The following PIK3C2G variants were observed in gnomAD, a reference collection of about 807,000 sequenced individuals.
PIK3C2G encodes the protein phosphatidylinositol 3-kinase C2 domain-containing subunit gamma.
PIK3C2G carries 168 observed loss-of-function variants against 181.1 expected under a neutral mutation model. That is an observed-to-expected ratio of 0.93 (90% CI 0.82 to 1.05). The LOEUF (loss-of-function observed/expected upper bound fraction) is 1.05, where lower values mean the gene tolerates loss of function less well. Among genes scored for constraint, PIK3C2G ranks in the 50% least tolerant of loss-of-function variants. PIK3C2G has a pLI of 0.00. For missense variants in PIK3C2G, 1,869 were observed against 1,732.8 expected, an observed-to-expected ratio of 1.08 and a Z score of -1.40; for synonymous variants, 573 against 592.2, an observed-to-expected ratio of 0.97 and a Z score of 0.47.
intron 22 of PIK3C2G, among the ~76,000 whole-genome samples, chr12:18,501,269 G>A (rs750804507): frequency 1.3e-5 from 2 of 152,172 alleles, no homozygotes; most frequent in Non-Finnish European, 2.9e-5. Context: ...ATTCATGGCG[G>A]AAGGTGAAGC....
chr12:18,683,315 C>T, the PIK3C2G span: 29 of 1,612,130 alleles, frequency 1.8e-5, no homozygotes, highest in Admixed American at 1.2e-4. Context: ...CAGAGGAATA[C>T]GACGATAACC....
At chr12:18,555,061 G>T (rs578216376) in intron 26 of PIK3C2G, among the ~76,000 whole-genome samples, 2 of 151,548 alleles carry the variant, frequency 1.3e-5, no homozygotes, top group Non-Finnish European at 2.9e-5. Context: ...GTAAAATAAA[G>T]AATGTTCTCA....
chr12:18,317,606 T>G (rs1950926070), intron 6 of PIK3C2G, among the ~76,000 whole-genome samples: 1 of 152,178 alleles, frequency 6.6e-6, no homozygotes, highest in South Asian at 2.1e-4. Context: ...TATGGCCAGC[T>G]CTAAAAGTTG....
At chr12:18,553,753 A>C (rs1182207785) in intron 26 of PIK3C2G, among the ~76,000 whole-genome samples, 1 of 152,110 alleles carries the variant, frequency 6.6e-6, no homozygotes, top group Non-Finnish European at 1.5e-5. Flanking sequence ...TAGGAGTTCA[A>C]GAGAGCACCA....
chr12:18,513,405 G>T (rs756639370), intron 24 of PIK3C2G, among the ~76,000 whole-genome samples: 2 of 151,520 alleles, frequency 1.3e-5, no homozygotes, highest in Non-Finnish European at 3.0e-5. Context: ...TAGAATTCAG[G>T]AGTAAAGCTG....
At chr12:18,506,592 C>T (rs1050994478) in intron 24 of PIK3C2G, among the ~76,000 whole-genome samples, 1 of 152,244 alleles carries the variant, frequency 6.6e-6, no homozygotes, top group Non-Finnish European at 1.5e-5. Context: ...GAGAAGAAAA[C>T]ATTCAAGGAT....
intron 24 of PIK3C2G, among the ~76,000 whole-genome samples, chr12:18,537,535 A>G (rs12580622): frequency 0.16 from 24,466 of 151,982 alleles, 2,158 homozygotes; most frequent in South Asian, 0.25. Context: ...TTATTTTTCC[A>G]TCCTTAGACT....
intron 17 of PIK3C2G, among the ~76,000 whole-genome samples, chr12:18,422,729 GAAGAA>G (rs749024929): frequency 6.6e-6 from 1 of 152,058 alleles, no homozygotes; most frequent in Non-Finnish European, 1.5e-5. Flanking sequence ...CTGGGTTCAA[GAAGAA>G]ATAATGGGCA....
At chr12:18,366,265 A>C (rs1448805854) in intron 12 of PIK3C2G, among the ~76,000 whole-genome samples, 1 of 152,190 alleles carries the variant, frequency 6.6e-6, no homozygotes, top group Non-Finnish European at 1.5e-5. Flanking sequence ...ACTTTCAGCC[A>C]GGTGCAGTGG....
intron 5 of PIK3C2G, among the ~76,000 whole-genome samples, chr12:18,306,323 A>T (rs1215739402): frequency 1.3e-5 from 2 of 151,624 alleles, no homozygotes; most frequent in East Asian, 3.9e-4. Flanking sequence ...CAAAAGCTTG[A>T]CTCTCCTCTA....
intron 28 of PIK3C2G, among the ~76,000 whole-genome samples, chr12:18,563,885 A>C (rs1945476604): frequency 6.6e-6 from 1 of 151,160 alleles, no homozygotes; most frequent in Non-Finnish European, 1.5e-5. Context: ...CTTTTTCAAC[A>C]AATAACTGTA....
rs1284015195 is a variant in PIK3C2G at position 18,377,933 on chromosome 12, C to T, written c.1881-3833C>T. 1.5e-4 allele frequency among the ~76,000 whole-genome samples: 23 copies of T among 152,114 alleles called. 1 individual carries two copies. In the Middle Eastern group the frequency reaches 0.014, roughly 90 times the overall value. ...GTGCAATGGTGTGATCTCAGCTTAC[C>T]GCAACCTCCACCTCTCGGGTTTAAG... is the stretch of plus-strand genomic sequence containing the variant. On this transcript the variant is annotated intron_variant, in intron 13 of 32. Transcript: ENST00000538779.
chr12:18,649,402 A>G (rs1950322484), downstream of PIK3C2G, among the ~76,000 whole-genome samples: 1 of 152,058 alleles, frequency 6.6e-6, no homozygotes, highest in Non-Finnish European at 1.5e-5. Context: ...ACTCCAAAAC[A>G]TTGCTATTGA....
At chr12:18,290,014 T>C (rs1292166670) in intron 3 of PIK3C2G, among the ~76,000 whole-genome samples, 1 of 152,206 alleles carries the variant, frequency 6.6e-6, no homozygotes, top group Non-Finnish European at 1.5e-5. Flanking sequence ...TGGTAACATA[T>C]AATGACAATT....
chr12:18,616,536 G>A (rs962867785), intron 31 of PIK3C2G, among the ~76,000 whole-genome samples: 2 of 152,016 alleles, frequency 1.3e-5, no homozygotes, highest in African/African-American at 4.8e-5. Context: ...AATTCTTGTT[G>A]AAGGCTTTTA....
In PIK3C2G at chr12:18,271,925, A is replaced by G. The variant is rs913027796; in HGVS notation, c.-78-10079A>G. On this transcript the variant is annotated intron_variant, in intron 1 of 32. Transcript: ENST00000538779. The stretch of plus-strand genomic sequence containing the variant: ...TAGCAACTACACAAAATAAAGGTAC[A>G]GCTTAATGTGCTATTAGAAATTGAA... Among the ~76,000 whole-genome samples, 8 of 152,302 alleles carry G rather than the reference A, an allele frequency of 5.3e-5. No individual in the cohort carries two copies. The South Asian group carries it at 1.2e-3, about 24-fold the overall frequency.
intron 3 of PIK3C2G, among the ~76,000 whole-genome samples, chr12:18,289,997 C>T (rs549386886): frequency 2.4e-4 from 36 of 152,250 alleles, no homozygotes; most frequent in African/African-American, 8.7e-4. Flanking sequence ...CACAGGGAAT[C>T]AAGCTATGGT....
chr12:18,599,565 G>T (rs956893353), intron 30 of PIK3C2G, among the ~76,000 whole-genome samples: 1 of 151,776 alleles, frequency 6.6e-6, no homozygotes, highest in Non-Finnish European at 1.5e-5. Context: ...GAGTTAGTGG[G>T]TGCAGCACAC....
At chr12:18,651,048 A>G (rs566542285), downstream of PIK3C2G, among the ~76,000 whole-genome samples, 4 of 152,008 alleles carry the variant, frequency 2.6e-5, no homozygotes, top group African/African-American at 9.6e-5. Flanking sequence ...AGCCTTTAAA[A>G]TAACCTAAAA....
Sources: gnomAD v4.1 joint callset for allele counts (sites outside exome capture counted in the v4.1 genomes callset) on GRCh38, gnomAD v4.1.1 for gene constraint, MANE v1.5 for transcripts, NCBI Gene and HGNC (gene_info 2026-07-23, HGNC 2026-07-21) for gene names.